SAXO1: variants seen among roughly 807,000 people sequenced by gnomAD.
SAXO1 encodes stabilizer of axonemal microtubules 1.
Under a neutral mutation model 17.5 loss-of-function variants are expected in SAXO1, and 21 were observed. That is an observed-to-expected ratio of 1.20 (90% CI 0.85 to 1.72). The LOEUF is 1.72. SAXO1 is among the 40% of genes most tolerant of loss of function. The pLI is 0.00. For missense variants in SAXO1, 843 were observed against 596.0 expected, an observed-to-expected ratio of 1.41 and a Z score of -4.32; for synonymous variants, 274 against 216.5, an observed-to-expected ratio of 1.27 and a Z score of -2.33.
chr9:18,937,415 G>T (rs924899717), intron 3 of SAXO1, among the ~76,000 whole-genome samples: 2 of 152,182 alleles, frequency 1.3e-5, no homozygotes, highest in Admixed American at 1.3e-4. Flanking sequence ...CCCTGTGTTC[G>T]ATGCTGGGAA....
intron 1 of SAXO1, among the ~76,000 whole-genome samples, chr9:18,972,383 A>G (rs958506432): frequency 5.3e-5 from 8 of 152,198 alleles, no homozygotes; most frequent in Non-Finnish European, 1.2e-4. Context: ...GCGCTCCATG[A>G]GACCTTTGCC....
intron 1 of SAXO1, among the ~76,000 whole-genome samples, chr9:18,991,743 C>A (rs1833824995): frequency 6.6e-6 from 1 of 152,104 alleles, no homozygotes; most frequent in East Asian, 1.9e-4. Flanking sequence ...AAAAAGTGCA[C>A]AATAAATGTA....
At position 19,032,989 on chromosome 9, in the gene SAXO1, G is replaced by C. The variant is rs1199619900; in HGVS notation, c.-81C>G. 5.5e-6 allele frequency: 8 copies of C among 1,456,658 alleles called. No individual in the cohort carries two copies. The African/African-American group carries it at 9.9e-5, about 18-fold the overall frequency. 90.2% of individuals were successfully genotyped at this position (1,456,658 alleles called of 1,614,324 possible). A position where few individuals can be genotyped will look rare whatever the true frequency, so the allele number is the denominator to read the frequency against. Reference sequence around the variant, plus strand: ...TCCTAGACCCCAACCACCTGTCTTGGGGCACGCCCAGGCTCGAGGGTCTTG... The same window carrying C: ...TCCTAGACCCCAACCACCTGTCTTGCGGCACGCCCAGGCTCGAGGGTCTTG... On this transcript the variant is annotated 5_prime_UTR_variant, in exon 1 of 4. Coordinates refer to ENST00000380534, the MANE Select transcript of SAXO1 (RefSeq NM_153707.4).
At chr9:18,952,579 A>G (rs1832076893) in intron 1 of SAXO1, among the ~76,000 whole-genome samples, 2 of 152,234 alleles carry the variant, frequency 1.3e-5, no homozygotes, top group Non-Finnish European at 2.9e-5. Context: ...GTACCATTAG[A>G]GATATCCCTA....
chr9:19,045,518 A>G (rs1460682892), intron 1 of SAXO1, among the ~76,000 whole-genome samples: 2 of 152,136 alleles, frequency 1.3e-5, no homozygotes, highest in African/African-American at 4.8e-5. Flanking sequence ...ACCATATTGT[A>G]AACAGGATTA....
upstream of SAXO1, among the ~76,000 whole-genome samples, chr9:19,036,496 G>A (rs1835942638): frequency 6.6e-6 from 1 of 152,082 alleles, no homozygotes; most frequent in Non-Finnish European, 1.5e-5. Context: ...CCCATGCTGT[G>A]TCCAGCCTAG....
intron 1 of SAXO1, among the ~76,000 whole-genome samples, chr9:18,996,864 T>C (rs542085435): frequency 2.2e-4 from 34 of 151,516 alleles, no homozygotes; most frequent in Middle Eastern, 6.8e-3. Context: ...AAAAAAAACA[T>C]AGTAAAAGGC....
At chr9:19,000,152 G>A (rs1256230900) in intron 1 of SAXO1, among the ~76,000 whole-genome samples, 6 of 151,626 alleles carry the variant, frequency 4.0e-5, no homozygotes, top group Non-Finnish European at 7.4e-5. Context: ...GGGAAGTGAG[G>A]AGCACCTCTG....
intron 1 of SAXO1, among the ~76,000 whole-genome samples, chr9:18,954,092 T>C (rs7865237): frequency 0.57 from 86,025 of 151,922 alleles, 27,131 homozygotes; most frequent in Non-Finnish European, 0.71. Flanking sequence ...CCCAGATGGA[T>C]CCATAGGCCG....
intron 2 of SAXO1, among the ~76,000 whole-genome samples, chr9:18,950,063 T>C (rs1831967491): frequency 6.6e-6 from 1 of 152,124 alleles, no homozygotes; most frequent in African/African-American, 2.4e-5. Context: ...CCATGGCAGA[T>C]TCTGCAAGAG....
At chr9:19,024,181 G>A (rs1421463443) in intron 1 of SAXO1, among the ~76,000 whole-genome samples, 1 of 151,806 alleles carries the variant, frequency 6.6e-6, no homozygotes, top group Non-Finnish European at 1.5e-5. Context: ...ACGATCTCCT[G>A]CAGGCTCAAG....
At chr9:19,047,432 CA>C (rs1419011858) in intron 1 of SAXO1, among the ~76,000 whole-genome samples, 6 of 152,114 alleles carry the variant, frequency 3.9e-5, no homozygotes, top group Non-Finnish European at 8.8e-5. Context: ...TAGGAGTATT[CA>C]CATGACAGAA....
chr9:19,000,204 C>A (rs1834200146), intron 1 of SAXO1, among the ~76,000 whole-genome samples: 1 of 151,358 alleles, frequency 6.6e-6, no homozygotes, highest in African/African-American at 2.4e-5. Context: ...GCGCCTCCAC[C>A]CGGTCGCCCA....
chr9:19,038,730 C>T (rs1024416162), intron 1 of SAXO1, among the ~76,000 whole-genome samples: 2 of 150,944 alleles, frequency 1.3e-5, no homozygotes, highest in Non-Finnish European at 2.9e-5. Flanking sequence ...ACATTGTGCA[C>T]ATGTACCCTA....
intron 1 of SAXO1, among the ~76,000 whole-genome samples, chr9:18,987,653 C>T (rs949417263): frequency 1.3e-5 from 2 of 152,200 alleles, no homozygotes; most frequent in African/African-American, 4.8e-5. Context: ...AATCCCAGCA[C>T]TCTGGGAGGC....
intron 1 of SAXO1, among the ~76,000 whole-genome samples, chr9:18,999,312 G>A (rs1396446030): frequency 1.3e-5 from 2 of 152,220 alleles, no homozygotes; most frequent in African/African-American, 4.8e-5. Flanking sequence ...TGGGATGTGA[G>A]GAGTGCCTCT....
chr9:18,957,190 G>A (rs771532218), intron 1 of SAXO1, among the ~76,000 whole-genome samples: 1 of 152,094 alleles, frequency 6.6e-6, no homozygotes, highest in East Asian at 1.9e-4. Context: ...TCCCAATACA[G>A]ACCAACAAAT....
At chr9:19,035,093 A>C (rs1339053780), upstream of SAXO1, among the ~76,000 whole-genome samples, 1 of 152,138 alleles carries the variant, frequency 6.6e-6, no homozygotes, top group Non-Finnish European at 1.5e-5. Context: ...ACCTCCCCTC[A>C]CCTAGTTACA....
In SAXO1 at chr9:18,948,494, T is replaced by C. The variant is rs559366345; in HGVS notation, c.218+2264A>G. 5.3e-5 allele frequency among the ~76,000 whole-genome samples: 8 copies of C among 152,322 alleles called. No homozygotes were observed. The South Asian group carries it at 1.7e-3, about 32-fold the overall frequency. ...TCCTCTACTTTAGCCACATTTGATG[T>C]ACATGGTATTTATTGTTACTCTGAC... On this transcript the variant is annotated intron_variant, in intron 2 of 3. Coordinates refer to ENST00000380534, the MANE Select transcript of SAXO1 (RefSeq NM_153707.4).
Sources: gnomAD v4.1 joint callset for allele counts (sites outside exome capture counted in the v4.1 genomes callset) on GRCh38, gnomAD v4.1.1 for gene constraint, MANE v1.5 for transcripts, NCBI Gene and HGNC (gene_info 2026-07-23, HGNC 2026-07-21) for gene names.